The following NCAM2 variants were observed in gnomAD, a reference collection of about 807,000 sequenced individuals.
The protein encoded by NCAM2 is neural cell adhesion molecule 2.
In NCAM2, 30 loss-of-function variants were observed where a neutral mutation model predicts 98.1. The ratio of observed to expected loss-of-function variants is 0.31; its 90% CI spans 0.23 to 0.41. NCAM2 has a LOEUF of 0.41. Among genes scored for constraint, NCAM2 ranks in the 10% least tolerant of loss-of-function variants. The pLI is 1.00. For missense variants in NCAM2, 867 were observed against 1,005.8 expected, an observed-to-expected ratio of 0.86 and a Z score of 1.87; for synonymous variants, 368 against 342.4, an observed-to-expected ratio of 1.07 and a Z score of -0.83.
chr21:21,115,948 T>G (rs1380885027), intron 1 of NCAM2, among the ~76,000 whole-genome samples: 1 of 122,628 alleles, frequency 8.2e-6, no homozygotes, highest in Non-Finnish European at 1.7e-5. Flanking sequence ...GGTCCGCTTC[T>G]CTGAGATTTT....
chr21:21,087,916 C>G (rs145207547), intron 1 of NCAM2, among the ~76,000 whole-genome samples: 1 of 152,160 alleles, frequency 6.6e-6, no homozygotes, highest in Admixed American at 6.5e-5. Flanking sequence ...GAGTCATATT[C>G]ATATGTCAGG....
At chr21:21,027,837 T>A (rs1223183680) in intron 1 of NCAM2, among the ~76,000 whole-genome samples, 1 of 152,026 alleles carries the variant, frequency 6.6e-6, no homozygotes, top group Non-Finnish European at 1.5e-5. Context: ...CCCTTTCCTC[T>A]GAATTATAAT....
intron 16 of NCAM2, among the ~76,000 whole-genome samples, chr21:21,533,140 A>T (rs970916331): frequency 3.2e-5 from 3 of 93,010 alleles, no homozygotes; most frequent in African/African-American, 1.1e-4. Context: ...CAATCTTTGG[A>T]CCATTGTAGA....
chr21:21,055,759 T>G (rs2065197788), intron 1 of NCAM2, among the ~76,000 whole-genome samples: 1 of 152,108 alleles, frequency 6.6e-6, no homozygotes, highest in Non-Finnish European at 1.5e-5. Flanking sequence ...TAGCTGTTAT[T>G]TACACTTCCT....
intron 1 of NCAM2, among the ~76,000 whole-genome samples, chr21:21,071,576 C>T (rs1298240727): frequency 6.6e-6 from 1 of 152,092 alleles, no homozygotes; most frequent in East Asian, 1.9e-4. Context: ...AAGGTTTATG[C>T]AGCTATAGCA....
At chr21:20,999,663 T>C (rs1049092243) in intron 1 of NCAM2, among the ~76,000 whole-genome samples, 1 of 152,218 alleles carries the variant, frequency 6.6e-6, no homozygotes, top group Admixed American at 6.5e-5. Flanking sequence ...GAAATTGGTT[T>C]TTTAAAATAA....
intron 1 of NCAM2, among the ~76,000 whole-genome samples, chr21:21,272,005 G>T (rs1489228264): frequency 6.6e-6 from 1 of 152,086 alleles, no homozygotes; most frequent in African/African-American, 2.4e-5. Context: ...TAACAAACCT[G>T]CATGTTGTGC....
rs2146214061 is a variant in NCAM2, at chr21:21,029,173, A to G, written c.55+30555A>G. Among the ~76,000 whole-genome samples, 2 of 152,342 alleles carry G rather than the reference A, an allele frequency of 1.3e-5. 1 individual carries two copies. The highest frequency in any genetic ancestry group is 4.1e-4 in the South Asian group (2 of 4,832). ...TTCATTAACAAAGATATGCTTTTAC[A>G]CAAATATTTACAATGATCTTCTTTC... On this transcript the variant is annotated intron_variant, in intron 1 of 17. Coordinates refer to ENST00000400546, the MANE Select transcript of NCAM2 (RefSeq NM_004540.5).
intron 7 of NCAM2, among the ~76,000 whole-genome samples, chr21:21,337,358 T>G (rs1245274699): frequency 6.6e-6 from 1 of 152,240 alleles, no homozygotes; most frequent in South Asian, 2.1e-4. Flanking sequence ...TTCAACAAAC[T>G]TTTGTTGCTC....
At chr21:21,196,798 T>A (rs1366075118) in intron 1 of NCAM2, among the ~76,000 whole-genome samples, 1 of 152,242 alleles carries the variant, frequency 6.6e-6, no homozygotes, top group Non-Finnish European at 1.5e-5. Flanking sequence ...GCCCGCTTGT[T>A]ATCCCCAGTG....
chr21:21,104,419 G>C (rs2066304148), intron 1 of NCAM2, among the ~76,000 whole-genome samples: 1 of 152,028 alleles, frequency 6.6e-6, no homozygotes. Context: ...CTCATGGATA[G>C]AGATGCTAAC....
intron 5 of NCAM2, among the ~76,000 whole-genome samples, chr21:21,292,887 G>A (rs7278254): frequency 0.36 from 54,406 of 151,446 alleles, 11,000 homozygotes; most frequent in East Asian, 0.57. Flanking sequence ...ACAGTTCCAA[G>A]TGACTGGGGA....
chr21:21,017,444 A>AAAAAG (rs2064334554), intron 1 of NCAM2, among the ~76,000 whole-genome samples: 3 of 150,666 alleles, frequency 2.0e-5, no homozygotes, highest in African/African-American at 7.3e-5. Context: ...AAAAAAAAAA[A>AAAAAG]AAAAGAAATA....
At chr21:21,388,206 T>C (rs1008823923) in intron 9 of NCAM2, among the ~76,000 whole-genome samples, 2 of 152,154 alleles carry the variant, frequency 1.3e-5, no homozygotes, top group African/African-American at 4.8e-5. Context: ...CATCCAAAAA[T>C]GTCATGTGGC....
At chr21:21,315,546 A>C (rs1381900027) in intron 5 of NCAM2, among the ~76,000 whole-genome samples, 1 of 152,196 alleles carries the variant, frequency 6.6e-6, no homozygotes, top group Non-Finnish European at 1.5e-5. Context: ...ATCTGATTGA[A>C]GAAGAATGTC....
intron 1 of NCAM2, among the ~76,000 whole-genome samples, chr21:21,125,369 A>G (rs1281920184): frequency 6.8e-6 from 1 of 146,980 alleles, no homozygotes; most frequent in Admixed American, 7.0e-5. Context: ...TTACATATAT[A>G]TGTAATATAT....
rs1057294450 is a variant in NCAM2, at chr21:21,542,552, A to T, written c.*4595A>T. 2 of 151,876 alleles carry T rather than the reference A, an allele frequency of 1.3e-5. No individual in the cohort carries two copies. Among genetic ancestry groups the T allele is most frequent in the Non-Finnish European group, 2.9e-5 (2 of 67,880 alleles). The allele number at this position is 151,876 out of a possible 1,614,324, so 9.4% of individuals were successfully genotyped here. A position where few individuals can be genotyped will look rare whatever the true frequency, so the allele number is the denominator to read the frequency against. On this transcript the variant is annotated 3_prime_UTR_variant, in exon 18 of 18. Transcript: ENST00000400546. Reference sequence around the variant, plus strand: ...TTTTCTTTTCTGAAATGAAAACATGAATCTTTTGGCATCTGTTTTTAGCCT... The same window carrying T: ...TTTTCTTTTCTGAAATGAAAACATGTATCTTTTGGCATCTGTTTTTAGCCT...
At chr21:21,023,353 G>A (rs541917453) in intron 1 of NCAM2, among the ~76,000 whole-genome samples, 150 of 152,008 alleles carry the variant, frequency 9.9e-4, no homozygotes, top group African/African-American at 3.5e-3. Context: ...GTGGAATCCC[G>A]TCTCTACTAA....
At chr21:21,082,656 A>T (rs995917012) in intron 1 of NCAM2, among the ~76,000 whole-genome samples, 2 of 152,190 alleles carry the variant, frequency 1.3e-5, no homozygotes, top group Non-Finnish European at 2.9e-5. Context: ...GGTACTTTGG[A>T]GGTAACCTGA....
Sources: allele counts gnomAD v4.1 joint callset (sites outside exome capture counted in the v4.1 genomes callset), GRCh38; gene constraint gnomAD v4.1.1; transcripts MANE v1.5; gene names NCBI Gene and HGNC (gene_info 2026-07-23, HGNC 2026-07-21).